ZNF705G: variants seen among roughly 807,000 people sequenced by gnomAD.
The protein encoded by ZNF705G is putative zinc finger protein 705G.
ZNF705G carries 23 observed loss-of-function variants against 19.6 expected under a neutral mutation model. The ratio of observed to expected loss-of-function variants is 1.17; its 90% CI spans 0.84 to 1.66. ZNF705G has a LOEUF of 1.66. Ranked by LOEUF, ZNF705G falls within the 40% of genes most tolerant of loss-of-function variation. The probability of loss-of-function intolerance (pLI) is 0.00; values close to 1 mark genes in which losing one functional copy is unlikely to be tolerated. For synonymous variants in ZNF705G, 146 were observed against 117.7 expected (o/e 1.24, Z -1.56); for missense variants, 457 against 354.4 (o/e 1.29, Z -2.32).
At chr8:7,365,792 T>G (rs1266424231) in intron 2 of ZNF705G, among the ~76,000 whole-genome samples, 1 of 149,634 alleles carries the variant, frequency 6.7e-6, no homozygotes, top group Non-Finnish European at 1.5e-5. Context: ...TTCACGGCTA[T>G]TTAGACACAA....
chr8:7,368,025 C>G (rs1162685596), intron 2 of ZNF705G, among the ~76,000 whole-genome samples: 5 of 149,598 alleles, frequency 3.3e-5, no homozygotes, highest in African/African-American at 1.3e-4. Context: ...ACTCTTTCCC[C>G]AAGGTCTTAA....
At chr8:7,363,839 T>C (rs1249498731) in intron 2 of ZNF705G, among the ~76,000 whole-genome samples, 3 of 149,046 alleles carry the variant, frequency 2.0e-5, no homozygotes, top group Non-Finnish European at 2.9e-5. Flanking sequence ...AAATCTGTTT[T>C]AGGATGGGGA....
chr8:7,383,125 A>ATTTTTT (rs5889203), intron 1 of ZNF705G, among the ~76,000 whole-genome samples: 637 of 125,584 alleles, frequency 5.1e-3, no homozygotes, highest in African/African-American at 0.019. Context: ...TCAATGTTTG[A>ATTTTTT]TTTTTTTTTT....
In ZNF705G at chr8:7,380,075, C is replaced by T. The variant is rs1175865338; in HGVS notation, c.-72+1377G>A. Among the ~76,000 whole-genome samples the T allele has an allele frequency of 4.2e-5, 6 of 143,516 alleles. 1 individual carries two copies. Among genetic ancestry groups the T allele is most frequent in the African/African-American group, 1.2e-4 (4 of 33,844 alleles). 94.2% of individuals were successfully genotyped at this position (143,516 alleles called of 152,430 possible). ...CCTACACTCCAGGGAACTGGCAGTGCCATTCACTAGGGAGGCTGCCCCCAG... is the reference window on the plus strand; with the variant it reads ...CCTACACTCCAGGGAACTGGCAGTGTCATTCACTAGGGAGGCTGCCCCCAG... On this transcript the variant is annotated intron_variant, in intron 2 of 6. Transcript: ENST00000400156.
intron 4 of ZNF705G, 52 bp downstream of exon 4, chr8:7,361,058 A>G: frequency 6.3e-7 from 1 of 1,592,374 alleles, no homozygotes; most frequent in Non-Finnish European, 8.5e-7. Flanking sequence ...CACTTATTGA[A>G]TGAATGAGTG....
At chr8:7,368,407 C>T (rs889079500) in intron 2 of ZNF705G, among the ~76,000 whole-genome samples, 2 of 149,556 alleles carry the variant, frequency 1.3e-5, no homozygotes, top group African/African-American at 5.1e-5. Context: ...CTTCTGGAGA[C>T]TCTATATTCT....
chr8:7,366,372 A>G (rs1014345273), intron 2 of ZNF705G, among the ~76,000 whole-genome samples: 4 of 149,664 alleles, frequency 2.7e-5, no homozygotes, highest in Non-Finnish European at 5.9e-5. Context: ...TTTAAAGTGC[A>G]TAATGAACAC....
At position 7,359,994 on chromosome 8, in the gene ZNF705G, C is replaced by G. The variant is rs1383270364; in HGVS notation, c.235+243G>C. ...AAGAGTCAGCATATGAAAGTTTAAC[C>G]CCAGCCAAGTACATGAATTATCCTT... On this transcript the variant is annotated intron_variant, in intron 5 of 6. Transcript: ENST00000400156. 1.3e-5 allele frequency among the ~76,000 whole-genome samples: 2 copies of G among 149,028 alleles called. 1 individual carries two copies. Among genetic ancestry groups the G allele is most frequent in the African/African-American group, 5.2e-5 (2 of 38,592 alleles).
chr8:7,382,055 A>G (rs1356499655), intron 1 of ZNF705G, among the ~76,000 whole-genome samples: 3 of 152,156 alleles, frequency 2.0e-5, no homozygotes, highest in African/African-American at 7.3e-5. Flanking sequence ...GTGATACAAA[A>G]GTGGCAAAAC....
At position 7,384,678 on chromosome 8, in the gene ZNF705G, G is replaced by C. The variant is rs1234782079; in HGVS notation, c.-222+820C>G. ...AATTAGAGGCTGGTAGGGAAACTTTGGCCATTTTGGGTGTGGGAGAAAGAT... is the reference window on the plus strand; with the variant it reads ...AATTAGAGGCTGGTAGGGAAACTTTCGCCATTTTGGGTGTGGGAGAAAGAT... On this transcript the variant is annotated intron_variant, in intron 1 of 6. Coordinates refer to ENST00000400156, the MANE Select transcript of ZNF705G (RefSeq NM_001164457.3). 2.1e-5 allele frequency among the ~76,000 whole-genome samples: 3 copies of C among 144,658 alleles called. 1 individual carries two copies. Among genetic ancestry groups the C allele is most frequent in the African/African-American group, 8.7e-5 (3 of 34,590 alleles). 94.9% of individuals were successfully genotyped at this position (144,658 alleles called of 152,430 possible). A position where few individuals can be genotyped will look rare whatever the true frequency, so the allele number is the denominator to read the frequency against.
At chr8:7,360,015 T>A (rs1806500070) in intron 5 of ZNF705G, among the ~76,000 whole-genome samples, 1 of 149,338 alleles carries the variant, frequency 6.7e-6, no homozygotes, top group Non-Finnish European at 1.5e-5. Context: ...ACATGAATTA[T>A]CCTTTTCCCA....
Position 7,357,917 on chromosome 8 carries a change from A to G in ZNF705G, c.*59T>C. The G allele has an allele frequency of 6.2e-7, 1 of 1,601,998 alleles. No individual in the cohort carries two copies. The highest frequency in any genetic ancestry group is 8.5e-7 in the Non-Finnish European group (1 of 1,177,432). ...CTCTTTAAGATTAGTACATTGTCTG[A>G]AGGCTTTCCCACATAAATGGCATTC... On this transcript the variant is annotated 3_prime_UTR_variant, in exon 7 of 7. Coordinates refer to ENST00000400156, the MANE Select transcript of ZNF705G (RefSeq NM_001164457.3).
intron 4 of ZNF705G, among the ~76,000 whole-genome samples, chr8:7,360,572 G>A (rs1293626709): frequency 6.7e-6 from 1 of 149,360 alleles, no homozygotes; most frequent in Non-Finnish European, 1.5e-5. Flanking sequence ...TATGAATGCT[G>A]AGTCCATGCC....
At position 7,382,856 on chromosome 8, in the gene ZNF705G, G is replaced by T. The variant is rs1443754210; in HGVS notation, c.-221-1255C>A. Among the ~76,000 whole-genome samples, 6 of 146,686 alleles carry T rather than the reference G, an allele frequency of 4.1e-5. 1 individual carries two copies. Among genetic ancestry groups the T allele is most frequent in the African/African-American group, 1.7e-4 (6 of 36,168 alleles). Reference sequence around the variant, plus strand: ...TTTTGTTACATGGATGAATTACATAGTGGTGAATTCTGAGATTTTAGTACA... The same window carrying T: ...TTTTGTTACATGGATGAATTACATATTGGTGAATTCTGAGATTTTAGTACA... On this transcript the variant is annotated intron_variant, in intron 1 of 6. Coordinates refer to ENST00000400156, the MANE Select transcript of ZNF705G (RefSeq NM_001164457.3).
chr8:7,363,615 G>T (rs1202787610), intron 2 of ZNF705G, among the ~76,000 whole-genome samples: 1 of 149,486 alleles, frequency 6.7e-6, no homozygotes, highest in Non-Finnish European at 1.5e-5. Context: ...GAGGTCAAGT[G>T]TTCGAGACTA....
chr8:7,383,451 A>T (rs575399223), intron 1 of ZNF705G, among the ~76,000 whole-genome samples: 1 of 146,686 alleles, frequency 6.8e-6, no homozygotes, highest in East Asian at 1.9e-4. Flanking sequence ...GCCCCTGAGA[A>T]GTACCTAGCA....
At position 7,356,968 on chromosome 8, in the gene ZNF705G, A is replaced by AT. The variant is rs1372564942; in HGVS notation, c.*1007dup. ...AGATATTTTCTCAAATTTCTGAATT[A>AT]TTTTGCTAAAGTATGTGTTAAGAGT... On this transcript the variant is annotated 3_prime_UTR_variant, in exon 7 of 7. Coordinates refer to ENST00000400156, the MANE Select transcript of ZNF705G (RefSeq NM_001164457.3). 2.0e-5 allele frequency: 3 copies of AT among 149,714 alleles called. No homozygotes were observed. The highest frequency in any genetic ancestry group is 4.4e-5 in the Non-Finnish European group (3 of 68,002). The allele number at this position is 149,714 out of a possible 1,614,324, so 9.3% of individuals were successfully genotyped here. A position where few individuals can be genotyped will look rare whatever the true frequency, so the allele number is the denominator to read the frequency against.
chr8:7,373,310 AC>A (rs774437321), intron 2 of ZNF705G: 4,131 of 220,118 alleles, frequency 0.019, 877 homozygotes, highest in Non-Finnish European at 0.024. Flanking sequence ...CTCATAGGAA[AC>A]CTGGAAGACT....
intron 2 of ZNF705G, among the ~76,000 whole-genome samples, chr8:7,365,468 T>C (rs1806814175): frequency 7.4e-6 from 1 of 134,818 alleles, no homozygotes; most frequent in East Asian, 2.2e-4. Flanking sequence ...AACCTCCACC[T>C]CCCGGGTTCA....
Sources: allele counts gnomAD v4.1 joint callset (sites outside exome capture counted in the v4.1 genomes callset), GRCh38; gene constraint gnomAD v4.1.1; transcripts MANE v1.5; gene names NCBI Gene and HGNC (gene_info 2026-07-23, HGNC 2026-07-21).